Variants in GPLD1 observed in about 807,000 individuals in gnomAD.
GPLD1 encodes phosphatidylinositol-glycan-specific phospholipase D.
Under a neutral mutation model 112.6 loss-of-function variants are expected in GPLD1, and 84 were observed. The ratio of observed to expected loss-of-function variants is 0.75; its 90% CI spans 0.63 to 0.89. GPLD1 has a LOEUF of 0.89. Ranked by LOEUF, GPLD1 falls within the 40% of genes least tolerant of loss-of-function variation. GPLD1 has a pLI of 0.00. For missense variants in GPLD1, 1,044 were observed against 1,051.5 expected (o/e 0.99, Z 0.10); for synonymous variants, 386 against 403.8 (o/e 0.96, Z 0.53).
At chr6:24,472,194 T>C (rs1300865733) in intron 7 of GPLD1, among the ~76,000 whole-genome samples, 3 of 152,300 alleles carry the variant, frequency 2.0e-5, no homozygotes, top group East Asian at 1.9e-4. Flanking sequence ...AAGAAAAGTG[T>C]AACCTCATTA....
rs1762221778 is a variant in GPLD1, at chr6:24,425,961, G to A, written c.*3071C>T. 6.6e-6 allele frequency: 1 copy of A among 152,136 alleles called. No individual in the cohort carries two copies. The highest frequency in any genetic ancestry group is 2.4e-5 in the African/African-American group (1 of 41,426). 9.4% of individuals were successfully genotyped at this position (152,136 alleles called of 1,614,324 possible). A position where few individuals can be genotyped will look rare whatever the true frequency, so the allele number is the denominator to read the frequency against. ...CATGACTTTAGTAATACCTACAGAGGTGAGCTAATGGATGGTACATGGAGT... is the reference window on the plus strand; with the variant it reads ...CATGACTTTAGTAATACCTACAGAGATGAGCTAATGGATGGTACATGGAGT... On this transcript the variant is annotated 3_prime_UTR_variant, in exon 25 of 25. Transcript: ENST00000230036.
rs1314438925 is a variant in GPLD1, at chr6:24,428,656, A to AGAGG, written c.*372_*375dup. 1.2e-5 allele frequency: 2 copies of AGAGG among 168,672 alleles called. No individual in the cohort carries two copies. The highest frequency in any genetic ancestry group is 2.5e-5 in the Non-Finnish European group (2 of 79,082). 10.4% of individuals were successfully genotyped at this position (168,672 alleles called of 1,614,324 possible). A position where few individuals can be genotyped will look rare whatever the true frequency, so the allele number is the denominator to read the frequency against. ...AGAGACTGTTCTAACAGATAACCAC[A>AGAGG]GAGGGACCTTTCCAGCCATTGGAAA... is the stretch of plus-strand genomic sequence containing the variant. On this transcript the variant is annotated 3_prime_UTR_variant, in exon 25 of 25. Coordinates refer to ENST00000230036, the MANE Select transcript of GPLD1 (RefSeq NM_001503.4).
intron 13 of GPLD1, 105 bp from the exon 14 acceptor site, chr6:24,454,306 C>T: frequency 1.4e-6 from 1 of 708,602 alleles, no homozygotes; most frequent in East Asian, 3.0e-5. Context: ...CTTTCTCTCA[C>T]TGACTTTTCC....
chr6:24,455,832 G>A (rs1457369643), intron 13 of GPLD1, among the ~76,000 whole-genome samples: 2 of 152,110 alleles, frequency 1.3e-5, no homozygotes, highest in African/African-American at 4.8e-5. Flanking sequence ...AAACATATTT[G>A]ACCAAGTGTA....
At chr6:24,492,505 CAAAAAAAAAA>C (rs57089818), upstream of GPLD1, among the ~76,000 whole-genome samples, 1 of 81,528 alleles carries the variant, frequency 1.2e-5, no homozygotes, top group Admixed American at 1.4e-4. Context: ...GACCCTGACT[CAAAAAAAAAA>C]AAAAAAAAAA....
At chr6:24,445,859 G>T (rs1762894440) in intron 18 of GPLD1, 28 bp from the exon 19 acceptor site, 1 of 1,506,518 alleles carries the variant, frequency 6.6e-7, no homozygotes. Context: ...GGGCTTAGCT[G>T]CCAGGGCACA....
At chr6:24,494,978 C>T (rs756474270) in exon 1 of GPLD1, 1 of 1,309,784 alleles carries the variant, frequency 7.6e-7, no homozygotes, top group Non-Finnish European at 9.7e-7. Context: ...TGTTTCCTGT[C>T]GCCGTCGTTG....
chr6:24,433,261 T>C (rs1762462201), intron 23 of GPLD1, 24 bp from the exon 24 acceptor site: 1 of 1,607,998 alleles, frequency 6.2e-7, no homozygotes, highest in Non-Finnish European at 8.5e-7. Flanking sequence ...CGTCTGTTAA[T>C]GGGCTTTGAA....
intron 22 of GPLD1, among the ~76,000 whole-genome samples, chr6:24,435,385 A>C (rs1013851013): frequency 6.6e-6 from 1 of 152,230 alleles, no homozygotes; most frequent in East Asian, 1.9e-4. Context: ...AATAAATGGT[A>C]GTAATTAAAT....
chr6:24,457,872 C>CA (rs778333200), intron 12 of GPLD1, among the ~76,000 whole-genome samples: 5,749 of 122,712 alleles, frequency 0.047, 109 homozygotes, highest in South Asian at 0.067. Context: ...GACTCCATCT[C>CA]AAAAAAAAAA....
intron 2 of GPLD1, 35 bp downstream of exon 2, chr6:24,486,040 T>C (rs747313118): frequency 7.7e-6 from 10 of 1,292,474 alleles, no homozygotes; most frequent in African/African-American, 4.4e-5. Context: ...AGAAAACTAA[T>C]GCACAAAGAA....
At chr6:24,435,573 T>TC (rs1762543733) in intron 22 of GPLD1, among the ~76,000 whole-genome samples, 1 of 151,652 alleles carries the variant, frequency 6.6e-6, no homozygotes, top group Non-Finnish European at 1.5e-5. Flanking sequence ...TTTTTTAAAA[T>TC]AGGTGGGGTA....
At chr6:24,475,989 A>G (rs1486834294) in intron 4 of GPLD1, among the ~76,000 whole-genome samples, 192 bp downstream of exon 4, 2 of 152,250 alleles carry the variant, frequency 1.3e-5, no homozygotes, top group Admixed American at 1.3e-4. Flanking sequence ...GAAGTGATGT[A>G]TCCCAAACCG....
At chr6:24,477,761 G>C (rs924701595) in intron 3 of GPLD1, among the ~76,000 whole-genome samples, 1 of 152,044 alleles carries the variant, frequency 6.6e-6, no homozygotes, top group Non-Finnish European at 1.5e-5. Flanking sequence ...TAAAAAAAAG[G>C]TGTTTTTTCT....
At chr6:24,425,409 A>T (rs998614741), downstream of GPLD1, 3 of 152,246 alleles carry the variant, frequency 2.0e-5, no homozygotes, top group African/African-American at 7.2e-5. Context: ...CAATAAAAGG[A>T]AAAATAATGT....
intron 2 of GPLD1, among the ~76,000 whole-genome samples, chr6:24,482,615 C>T (rs2127368952): frequency 6.6e-6 from 1 of 152,252 alleles, no homozygotes; most frequent in East Asian, 1.9e-4. Context: ...CAAGGTTTTG[C>T]CATGTTGGCC....
At chr6:24,479,042 TGGGTAC>T in intron 3 of GPLD1, among the ~76,000 whole-genome samples, 1 of 152,236 alleles carries the variant, frequency 6.6e-6, no homozygotes, top group East Asian at 1.9e-4. Flanking sequence ...ATCAGCCTAA[TGGGTAC>T]AGTCAGCATA....
At chr6:24,474,954 A>G (rs1207313700) in intron 5 of GPLD1, among the ~76,000 whole-genome samples, 167 bp downstream of exon 5, 1 of 152,056 alleles carries the variant, frequency 6.6e-6, no homozygotes, top group East Asian at 1.9e-4. Context: ...CTCAAAAAAA[A>G]AAAAAAAAGG....
chr6:24,457,847 T>TG (rs1456961852), intron 12 of GPLD1, among the ~76,000 whole-genome samples: 7 of 150,092 alleles, frequency 4.7e-5, no homozygotes, highest in Non-Finnish European at 1.0e-4. Context: ...CACGCTAGCC[T>TG]GGGTGACAGA....
Sources: gnomAD v4.1 joint callset for allele counts (sites outside exome capture counted in the v4.1 genomes callset) on GRCh38, gnomAD v4.1.1 for gene constraint, MANE v1.5 for transcripts, NCBI Gene and HGNC (gene_info 2026-07-23, HGNC 2026-07-21) for gene names.